SAXO1: variants seen among roughly 807,000 people sequenced by gnomAD.
SAXO1 encodes stabilizer of axonemal microtubules 1.
Under a neutral mutation model 17.5 loss-of-function variants are expected in SAXO1, and 21 were observed. The observed-to-expected ratio is 1.20, with a 90% confidence interval of 0.85 to 1.72. The LOEUF is 1.72. Ranked by LOEUF, SAXO1 falls within the 40% of genes most tolerant of loss-of-function variation. SAXO1 has a pLI of 0.00. For missense variants in SAXO1, 843 were observed against 596.0 expected, an observed-to-expected ratio of 1.41 and a Z score of -4.32; for synonymous variants, 274 against 216.5, an observed-to-expected ratio of 1.27 and a Z score of -2.33.
intron 1 of SAXO1, among the ~76,000 whole-genome samples, chr9:19,048,145 A>G (rs1836265151): frequency 6.6e-6 from 1 of 152,246 alleles, no homozygotes; most frequent in African/African-American, 2.4e-5. Context: ...GGAATACCTG[A>G]ATTTGTACAG....
chr9:18,942,962 G>C (rs1831635102), intron 2 of SAXO1, among the ~76,000 whole-genome samples: 1 of 152,258 alleles, frequency 6.6e-6, no homozygotes, highest in Non-Finnish European at 1.5e-5. Flanking sequence ...GTCAAGGGAA[G>C]GGGAAGGTTT....
rs1378198308 is a variant in SAXO1, at chr9:19,009,454, GC to G, written c.38+23416del. On this transcript the variant is annotated intron_variant, in intron 1 of 3. Coordinates refer to ENST00000380534, the MANE Select transcript of SAXO1 (RefSeq NM_153707.4). Reference sequence around the variant, plus strand: ...AGATATAGCCATGATGATATAAACAGCTCAAAAAGAAGCCCCCAAGTTATAA... The same window carrying G: ...AGATATAGCCATGATGATATAAACAGTCAAAAAGAAGCCCCCAAGTTATAA... Among the ~76,000 whole-genome samples the G allele has an allele frequency of 3.9e-5, 6 of 152,114 alleles. No homozygotes were observed. The East Asian group carries it at 1.2e-3, about 29-fold the overall frequency.
intron 1 of SAXO1, among the ~76,000 whole-genome samples, chr9:19,029,962 G>A (rs1200015243): frequency 6.6e-6 from 1 of 152,188 alleles, no homozygotes; most frequent in Non-Finnish European, 1.5e-5. Context: ...CTATGATACA[G>A]TGCACACACA....
chr9:18,985,963 G>C (rs748458328), intron 1 of SAXO1, among the ~76,000 whole-genome samples: 6 of 152,114 alleles, frequency 3.9e-5, no homozygotes, highest in Admixed American at 1.3e-4. Flanking sequence ...TTCCTACCAA[G>C]AAGTAAGAAT....
At chr9:18,969,940 C>T (rs1450359903) in intron 1 of SAXO1, among the ~76,000 whole-genome samples, 1 of 152,226 alleles carries the variant, frequency 6.6e-6, no homozygotes. Context: ...TTGCTGACTT[C>T]TAAAAGGATG....
intron 1 of SAXO1, among the ~76,000 whole-genome samples, chr9:18,956,766 A>T (rs181910631): frequency 1.9e-4 from 29 of 152,350 alleles, no homozygotes; most frequent in Non-Finnish European, 3.2e-4. Flanking sequence ...AGCAGGCTGT[A>T]ATTAAAAGGC....
At chr9:18,945,944 G>C (rs1319270323) in intron 2 of SAXO1, among the ~76,000 whole-genome samples, 1 of 152,126 alleles carries the variant, frequency 6.6e-6, no homozygotes, top group East Asian at 1.9e-4. Context: ...GCAGCTAAAA[G>C]GCAGATCTTT....
At chr9:19,039,093 C>T (rs1326162870) in intron 1 of SAXO1, among the ~76,000 whole-genome samples, 1 of 151,766 alleles carries the variant, frequency 6.6e-6, no homozygotes, top group Non-Finnish European at 1.5e-5. Context: ...TGAGATCACA[C>T]CACTGCACTC....
At chr9:18,949,030 C>G (rs769525891) in intron 2 of SAXO1, among the ~76,000 whole-genome samples, 1 of 152,130 alleles carries the variant, frequency 6.6e-6, no homozygotes, top group Non-Finnish European at 1.5e-5. Flanking sequence ...AAAACAAAAG[C>G]AATGCTCAGA....
At chr9:19,026,288 T>C (rs1835468691) in intron 1 of SAXO1, among the ~76,000 whole-genome samples, 2 of 152,326 alleles carry the variant, frequency 1.3e-5, no homozygotes, top group East Asian at 3.9e-4. Flanking sequence ...GACCAGACTA[T>C]AAATTTTAAC....
intron 1 of SAXO1, among the ~76,000 whole-genome samples, chr9:18,998,790 A>G (rs1834121469): frequency 6.6e-6 from 1 of 152,214 alleles, no homozygotes; most frequent in South Asian, 2.1e-4. Context: ...ACAAGCCAGA[A>G]AAAGGGGCCA....
At position 18,995,696 on chromosome 9, in the gene SAXO1, G is replaced by A. The variant is rs1334419181; in HGVS notation, c.38+37175C>T. Among the ~76,000 whole-genome samples, 4 of 152,150 alleles carry A rather than the reference G, an allele frequency of 2.6e-5. No individual in the cohort carries two copies. In the East Asian group the frequency reaches 7.7e-4, roughly 29 times the overall value. ...AGTCCCCACAAATAATTCAGGTTTA[G>A]AAACCACTGCACATTCATACCAAAC... On this transcript the variant is annotated intron_variant, in intron 1 of 3. Transcript: ENST00000380534.
At chr9:19,006,446 T>A (rs1029121813) in intron 1 of SAXO1, among the ~76,000 whole-genome samples, 1 of 152,124 alleles carries the variant, frequency 6.6e-6, no homozygotes, top group Non-Finnish European at 1.5e-5. Flanking sequence ...TAAAAAGAAA[T>A]AAAATTTGGA....
chr9:18,956,741 G>T lies in SAXO1; in HGVS notation c.39-5804C>A, dbSNP rs1053634511. Reference sequence around the variant, plus strand: ...TCAGGTACTGGAATTCAAATGCCTAGCCCTGTCCAAAGCAAGCAGGCTGTA... The same window carrying T: ...TCAGGTACTGGAATTCAAATGCCTATCCCTGTCCAAAGCAAGCAGGCTGTA... On this transcript the variant is annotated intron_variant, in intron 1 of 3. Coordinates refer to ENST00000380534, the MANE Select transcript of SAXO1 (RefSeq NM_153707.4). Among the ~76,000 whole-genome samples the T allele has an allele frequency of 5.9e-5, 9 of 152,178 alleles. No individual in the cohort carries two copies. In the South Asian group the frequency reaches 6.2e-4, roughly 10 times the overall value.
At chr9:18,961,783 T>C (rs1832496377) in intron 1 of SAXO1, among the ~76,000 whole-genome samples, 2 of 152,228 alleles carry the variant, frequency 1.3e-5, no homozygotes, top group Non-Finnish European at 2.9e-5. Context: ...TTGTGAATAG[T>C]GCTTCAATAA....
At chr9:18,948,679 T>A (rs568946036) in intron 2 of SAXO1, among the ~76,000 whole-genome samples, 1 of 152,260 alleles carries the variant, frequency 6.6e-6, no homozygotes, top group Non-Finnish European at 1.5e-5. Context: ...GCCTCAGAGC[T>A]AGGTGTTGGG....
chr9:18,996,872 G>T (rs1018036832), intron 1 of SAXO1, among the ~76,000 whole-genome samples: 3 of 151,942 alleles, frequency 2.0e-5, no homozygotes, highest in Non-Finnish European at 2.9e-5. Flanking sequence ...CATAGTAAAA[G>T]GCATCCAATT....
At chr9:18,945,086 A>G (rs974492968) in intron 2 of SAXO1, among the ~76,000 whole-genome samples, 8 of 152,006 alleles carry the variant, frequency 5.3e-5, no homozygotes, top group East Asian at 1.9e-4. Flanking sequence ...GTTACCTCCC[A>G]TCTTTAAAGG....
chr9:19,028,605 T>G (rs988388113), intron 1 of SAXO1, among the ~76,000 whole-genome samples: 2 of 152,236 alleles, frequency 1.3e-5, no homozygotes, highest in Non-Finnish European at 2.9e-5. Context: ...ACCACAATAC[T>G]CTGCTTTTTT....
Sources: allele counts gnomAD v4.1 joint callset (sites outside exome capture counted in the v4.1 genomes callset), GRCh38; gene constraint gnomAD v4.1.1; transcripts MANE v1.5; gene names NCBI Gene and HGNC (gene_info 2026-07-23, HGNC 2026-07-21).